The following SLIT3 variants were observed in gnomAD, a reference collection of about 807,000 sequenced individuals.
SLIT3 encodes slit homolog 3 protein.
In SLIT3, 68 loss-of-function variants were observed where a neutral mutation model predicts 184.0. That is an observed-to-expected ratio of 0.37 (90% CI 0.30 to 0.45). The LOEUF is 0.45. Ranked by LOEUF, SLIT3 falls within the 20% of genes least tolerant of loss-of-function variation. The pLI is 1.00. For missense variants in SLIT3, 1,707 were observed against 2,026.0 expected (o/e 0.84, Z 3.02); for synonymous variants, 831 against 828.6 (o/e 1.00, Z -0.05).
In SLIT3 at chr5:169,084,897, C is replaced by T. The variant is rs556787545; in HGVS notation, c.413+108582G>A. 1.5e-4 allele frequency among the ~76,000 whole-genome samples: 23 copies of T among 152,272 alleles called. No individual in the cohort carries two copies. The South Asian group carries it at 3.5e-3, about 23-fold the overall frequency. On this transcript the variant is annotated intron_variant, in intron 4 of 35. Transcript: ENST00000519560. Reference sequence around the variant, plus strand: ...AATCCACACAAAGGCTCCCATGGGCCAGGGGAGCCCAGTTCCCTCCACTCA... The same window carrying T: ...AATCCACACAAAGGCTCCCATGGGCTAGGGGAGCCCAGTTCCCTCCACTCA...
chr5:168,724,350 A>G (rs543373899), intron 21 of SLIT3, 66 bp downstream of exon 21: 1 of 1,312,952 alleles, frequency 7.6e-7, no homozygotes, highest in African/African-American at 1.5e-5. Context: ...CTTACCATCC[A>G]CTTCAGTTTC....
At chr5:169,279,397 T>C (rs1170008714) in intron 1 of SLIT3, among the ~76,000 whole-genome samples, 3 of 152,168 alleles carry the variant, frequency 2.0e-5, no homozygotes, top group Admixed American at 1.3e-4. Context: ...TGTTAGGCAG[T>C]GTTAGCCCCA....
rs534212336 is a variant in SLIT3 at position 168,688,726 on chromosome 5, T to C, written c.3177-1610A>G. Reference sequence around the variant, plus strand: ...CAAACTTACATGTTCAACCAGTCTTTTAAGGAAACACATTGAGAATGCCTT... The same window carrying C: ...CAAACTTACATGTTCAACCAGTCTTCTAAGGAAACACATTGAGAATGCCTT... On this transcript the variant is annotated intron_variant, in intron 29 of 35. Coordinates refer to ENST00000519560, the MANE Select transcript of SLIT3 (RefSeq NM_003062.4). Among the ~76,000 whole-genome samples the C allele has an allele frequency of 5.1e-4, 78 of 152,360 alleles. 2 individuals are homozygous for C. The highest frequency in any genetic ancestry group is 3.4e-3 in the Middle Eastern group (1 of 294).
At chr5:168,949,884 G>A (rs1255513461) in intron 4 of SLIT3, among the ~76,000 whole-genome samples, 1 of 152,212 alleles carries the variant, frequency 6.6e-6, no homozygotes, top group Non-Finnish European at 1.5e-5. Context: ...GAGCCACCAT[G>A]CCTGGCCAAG....
At chr5:168,955,276 T>A (rs1762785115) in intron 4 of SLIT3, among the ~76,000 whole-genome samples, 1 of 152,194 alleles carries the variant, frequency 6.6e-6, no homozygotes, top group African/African-American at 2.4e-5. Context: ...AGTGTGGCAT[T>A]TTTGAAAAGA....
intron 4 of SLIT3, among the ~76,000 whole-genome samples, chr5:168,897,297 C>T (rs1052130050): frequency 6.6e-6 from 1 of 152,120 alleles, no homozygotes; most frequent in Admixed American, 6.5e-5. Flanking sequence ...TTTCCATCTC[C>T]AAACCCCATG....
Position 168,666,389 on chromosome 5 carries a change from C to A in SLIT3, c.*65G>T. The A allele has an allele frequency of 7.0e-7, 1 of 1,434,114 alleles. No individual in the cohort carries two copies. The allele number at this position is 1,434,114 out of a possible 1,614,324, so 88.8% of individuals were successfully genotyped here. Reference sequence around the variant, plus strand: ...CCTTCATGCTGAATCACCAGGGGGTCCCACATGGCTGTCCCAACTCCATCA... The same window carrying A: ...CCTTCATGCTGAATCACCAGGGGGTACCACATGGCTGTCCCAACTCCATCA... On this transcript the variant is annotated 3_prime_UTR_variant, in exon 36 of 36. Transcript: ENST00000519560.
chr5:169,173,463 T>C (rs967174176), intron 4 of SLIT3, among the ~76,000 whole-genome samples: 4 of 152,176 alleles, frequency 2.6e-5, no homozygotes, highest in Admixed American at 2.0e-4. Context: ...AGTCCCTCCA[T>C]TGTCCTATAG....
chr5:168,813,668 G>A (rs1757239495), intron 8 of SLIT3, among the ~76,000 whole-genome samples: 1 of 152,226 alleles, frequency 6.6e-6, no homozygotes, highest in Non-Finnish European at 1.5e-5. Flanking sequence ...TTGCCAAAGT[G>A]CACTGCTAGC....
At chr5:169,161,283 T>C (rs1448045823) in intron 4 of SLIT3, among the ~76,000 whole-genome samples, 1 of 152,200 alleles carries the variant, frequency 6.6e-6, no homozygotes, top group Non-Finnish European at 1.5e-5. Context: ...TCCCATGACA[T>C]AGCTGGAATT....
At chr5:168,772,608 C>T in intron 14 of SLIT3, 173 bp downstream of exon 14, 2 of 626,264 alleles carry the variant, frequency 3.2e-6, no homozygotes, top group East Asian at 2.8e-5. Context: ...TATTTTAAAT[C>T]CATAAGGTAA....
At chr5:168,705,423 T>G (rs964684697) in intron 26 of SLIT3, among the ~76,000 whole-genome samples, 15 of 152,060 alleles carry the variant, frequency 9.9e-5, no homozygotes, top group Non-Finnish European at 2.1e-4. Flanking sequence ...CTTATGTTAC[T>G]GTTATTATCA....
chr5:169,269,656 G>A (rs547811980), intron 1 of SLIT3, among the ~76,000 whole-genome samples: 37 of 152,340 alleles, frequency 2.4e-4, no homozygotes, highest in Admixed American at 2.4e-3. Context: ...ACCAGAGTGG[G>A]ACCACCAACC....
At chr5:169,203,191 G>A (rs754015029) in intron 3 of SLIT3, among the ~76,000 whole-genome samples, 4 of 152,194 alleles carry the variant, frequency 2.6e-5, no homozygotes, top group Non-Finnish European at 5.9e-5. Flanking sequence ...AGAGGCCGTA[G>A]CCAATAGGTT....
At chr5:168,876,222 G>A (rs1348750937) in intron 5 of SLIT3, among the ~76,000 whole-genome samples, 4 of 152,100 alleles carry the variant, frequency 2.6e-5, no homozygotes, top group Admixed American at 6.5e-5. Context: ...TTACTTGCTC[G>A]ATTTAGGTCC....
chr5:168,828,669 AAG>A (rs1554145996), intron 6 of SLIT3, among the ~76,000 whole-genome samples: 1 of 150,222 alleles, frequency 6.7e-6, no homozygotes, highest in Non-Finnish European at 1.5e-5. Context: ...AAAAAAAAAA[AAG>A]AAAAAAGAAA....
In SLIT3 at chr5:168,894,316, C is replaced by T. The variant is rs376950074; in HGVS notation, c.414-10980G>A. 3.9e-5 allele frequency among the ~76,000 whole-genome samples: 6 copies of T among 152,230 alleles called. No homozygotes were observed. In the South Asian group the frequency reaches 1.2e-3, roughly 32 times the overall value. On this transcript the variant is annotated intron_variant, in intron 4 of 35. Coordinates refer to ENST00000519560, the MANE Select transcript of SLIT3 (RefSeq NM_003062.4). ...ATTATTAGCTTCGTGTAGGCAGGAG[C>T]ATTTGCTCAGCATGAGGCCTGATGC...
chr5:169,292,283 TAC>T (rs1767382802), intron 1 of SLIT3, among the ~76,000 whole-genome samples: 1 of 152,206 alleles, frequency 6.6e-6, no homozygotes, highest in Admixed American at 6.5e-5. Flanking sequence ...ACATTCAACA[TAC>T]ACACACATAC....
intron 4 of SLIT3, among the ~76,000 whole-genome samples, chr5:168,913,641 C>T (rs1761330468): frequency 6.6e-6 from 1 of 151,064 alleles, no homozygotes; most frequent in South Asian, 2.1e-4. Context: ...ACTCGGGAGG[C>T]TGAGGCAGGA....
Sources: gnomAD v4.1 joint callset for allele counts (sites outside exome capture counted in the v4.1 genomes callset) on GRCh38, gnomAD v4.1.1 for gene constraint, MANE v1.5 for transcripts, NCBI Gene and HGNC (gene_info 2026-07-23, HGNC 2026-07-21) for gene names.